TRABD2B: variants seen among roughly 807,000 people sequenced by gnomAD.
TRABD2B encodes metalloprotease TIKI2.
Under a neutral mutation model 40.1 loss-of-function variants are expected in TRABD2B, and 14 were observed. The observed-to-expected ratio is 0.35, with a 90% confidence interval of 0.23 to 0.55. The LOEUF (loss-of-function observed/expected upper bound fraction) is 0.55. Ranked by LOEUF, TRABD2B falls within the 20% of genes least tolerant of loss-of-function variation. TRABD2B has a pLI of 0.90. For synonymous variants in TRABD2B, 263 were observed against 277.0 expected (o/e 0.95, Z 0.50); for missense variants, 541 against 648.6 (o/e 0.83, Z 1.80).
At chr1:47,932,409 T>C (rs1645051737) in intron 2 of TRABD2B, among the ~76,000 whole-genome samples, 1 of 152,062 alleles carries the variant, frequency 6.6e-6, no homozygotes, top group Non-Finnish European at 1.5e-5. Context: ...GAGAAGACAA[T>C]GGAAGGCAGT....
At chr1:47,854,358 G>C (rs1643869674) in intron 2 of TRABD2B, among the ~76,000 whole-genome samples, 2 of 152,176 alleles carry the variant, frequency 1.3e-5, no homozygotes, top group African/African-American at 2.4e-5. Flanking sequence ...TCCTTCAGCT[G>C]ATCTCCAGAG....
At chr1:47,778,367 C>T in intron 5 of TRABD2B, 87 bp downstream of exon 5, 1 of 976,906 alleles carries the variant, frequency 1.0e-6, no homozygotes, top group Non-Finnish European at 1.6e-6. Flanking sequence ...GCCTCTGCCT[C>T]ACCAGAAGCC....
chr1:47,853,649 T>G (rs1221405767), intron 2 of TRABD2B, among the ~76,000 whole-genome samples: 1 of 152,140 alleles, frequency 6.6e-6, no homozygotes, highest in Non-Finnish European at 1.5e-5. Context: ...CATCTTTGAT[T>G]CCTCCCCTAC....
chr1:47,795,160 A>G (rs1644732002), intron 3 of TRABD2B, among the ~76,000 whole-genome samples: 2 of 152,222 alleles, frequency 1.3e-5, no homozygotes, highest in Admixed American at 1.3e-4. Context: ...TGAGGCCCCT[A>G]CAGTGGGCTA....
intron 2 of TRABD2B, among the ~76,000 whole-genome samples, chr1:47,918,435 C>T (rs574692024): frequency 6.6e-6 from 1 of 152,320 alleles, no homozygotes; most frequent in Admixed American, 6.5e-5. Flanking sequence ...GAGAAGAGAA[C>T]AGGCTCAGAG....
intron 2 of TRABD2B, among the ~76,000 whole-genome samples, chr1:47,837,484 C>T (rs1645334699): frequency 6.6e-6 from 1 of 152,122 alleles, no homozygotes; most frequent in Non-Finnish European, 1.5e-5. Context: ...CATCTCCTAC[C>T]AGATCTAATT....
chr1:47,772,816 C>T (rs928672639), intron 6 of TRABD2B, among the ~76,000 whole-genome samples: 4 of 152,158 alleles, frequency 2.6e-5, no homozygotes, highest in Non-Finnish European at 4.4e-5. Context: ...TCAGGGCCTG[C>T]TCCCCTAGAA....
chr1:47,791,911 T>C (rs1469226223), intron 4 of TRABD2B, among the ~76,000 whole-genome samples: 2 of 152,198 alleles, frequency 1.3e-5, no homozygotes, highest in African/African-American at 4.8e-5. Context: ...GGTTCTGGCC[T>C]TGTCCTGGAC....
intron 2 of TRABD2B, among the ~76,000 whole-genome samples, chr1:47,918,034 A>G (rs1450131625): frequency 1.3e-5 from 2 of 152,250 alleles, no homozygotes; most frequent in Non-Finnish European, 2.9e-5. Context: ...AAAGTAATCT[A>G]GCAGTCAGAG....
At chr1:47,932,473 G>C (rs1364598516) in intron 2 of TRABD2B, among the ~76,000 whole-genome samples, 1 of 152,150 alleles carries the variant, frequency 6.6e-6, no homozygotes, top group Admixed American at 6.5e-5. Flanking sequence ...GAGAAATAAG[G>C]CAGGAGCTGA....
intron 4 of TRABD2B, among the ~76,000 whole-genome samples, chr1:47,784,658 G>GT (rs997550541): frequency 8.5e-5 from 13 of 152,256 alleles, no homozygotes; most frequent in East Asian, 1.9e-4. Context: ...CTATGGCGGT[G>GT]TTTTTTTTCC....
At chr1:47,904,906 T>TA (rs1463820938) in intron 2 of TRABD2B, among the ~76,000 whole-genome samples, 1 of 152,238 alleles carries the variant, frequency 6.6e-6, no homozygotes, top group African/African-American at 2.4e-5. Flanking sequence ...CCAAATCACT[T>TA]AAATTATATT....
At chr1:47,863,572 G>A (rs1304618326) in intron 2 of TRABD2B, among the ~76,000 whole-genome samples, 1 of 151,872 alleles carries the variant, frequency 6.6e-6, no homozygotes, top group Non-Finnish European at 1.5e-5. Flanking sequence ...TCAACTATCA[G>A]AAGGGCAAAA....
intron 4 of TRABD2B, among the ~76,000 whole-genome samples, chr1:47,785,236 G>A (rs1391636732): frequency 6.6e-6 from 1 of 152,172 alleles, no homozygotes; most frequent in African/African-American, 2.4e-5. Context: ...GAAGGGGACA[G>A]ATTCAAGCTG....
intron 2 of TRABD2B, among the ~76,000 whole-genome samples, chr1:47,966,519 G>A (rs1645605008): frequency 1.3e-5 from 2 of 152,340 alleles, no homozygotes; most frequent in Middle Eastern, 6.8e-3. Flanking sequence ...CACCTGGGAA[G>A]AGGAGTGCTA....
At chr1:47,886,998 A>G (rs1644379759) in intron 2 of TRABD2B, among the ~76,000 whole-genome samples, 1 of 151,588 alleles carries the variant, frequency 6.6e-6, no homozygotes, top group Admixed American at 6.6e-5. Context: ...CTGGTCAGGA[A>G]GGCTGGGTTC....
At chr1:47,855,445 A>G (rs1643881119) in intron 2 of TRABD2B, among the ~76,000 whole-genome samples, 1 of 152,188 alleles carries the variant, frequency 6.6e-6, no homozygotes, top group African/African-American at 2.4e-5. Context: ...ACAGTATGGG[A>G]TATCGTTCTG....
intron 4 of TRABD2B, among the ~76,000 whole-genome samples, chr1:47,793,132 C>A (rs2124209342): frequency 6.6e-6 from 1 of 152,272 alleles, no homozygotes; most frequent in East Asian, 1.9e-4. Context: ...TACAGGAATC[C>A]CTCCCTTCTC....
chr1:47,863,762 T>G (rs1644013314), intron 2 of TRABD2B, among the ~76,000 whole-genome samples: 2 of 152,128 alleles, frequency 1.3e-5, no homozygotes, highest in African/African-American at 4.8e-5. Flanking sequence ...ACCCAAAAAT[T>G]TGAAAACTTA....
Sources: allele counts gnomAD v4.1 joint callset (sites outside exome capture counted in the v4.1 genomes callset), GRCh38; gene constraint gnomAD v4.1.1; transcripts MANE v1.5; gene names NCBI Gene and HGNC (gene_info 2026-07-23, HGNC 2026-07-21).